EPHB2: variants seen among roughly 807,000 people sequenced by gnomAD.
The protein encoded by EPHB2 is EPH receptor B2.
Under a neutral mutation model 96.4 loss-of-function variants are expected in EPHB2, and 18 were observed. That is an observed-to-expected ratio of 0.19 (90% CI 0.13 to 0.28). The LOEUF is 0.28. Ranked by LOEUF, EPHB2 falls within the 10% of genes least tolerant of loss-of-function variation. EPHB2 has a pLI of 1.00. For missense variants in EPHB2, 989 were observed against 1,355.4 expected (o/e 0.73, Z 4.25); for synonymous variants, 506 against 534.1 (o/e 0.95, Z 0.72).
intron 1 of EPHB2, among the ~76,000 whole-genome samples, chr1:22,750,974 T>C (rs1384068803): frequency 6.6e-6 from 1 of 152,234 alleles, no homozygotes; most frequent in African/African-American, 2.4e-5. Flanking sequence ...ATTCTCAGAA[T>C]TGGTGCTGGC....
chr1:22,720,078 A>G (rs895180974), intron 1 of EPHB2, among the ~76,000 whole-genome samples: 1 of 152,178 alleles, frequency 6.6e-6, no homozygotes, highest in African/African-American at 2.4e-5. Flanking sequence ...TGGTCCCCCT[A>G]CGCTCCTCGC....
At chr1:22,826,202 T>C (rs10917311) in intron 3 of EPHB2, among the ~76,000 whole-genome samples, 151,961 of 152,308 alleles carry the variant, frequency 1, 75,810 homozygotes, top group Middle Eastern at 1. Flanking sequence ...GTCTACTAAG[T>C]GCGTTCAGTG....
chr1:22,722,070 C>T (rs1292989379), intron 1 of EPHB2, among the ~76,000 whole-genome samples: 1 of 152,210 alleles, frequency 6.6e-6, no homozygotes, highest in Non-Finnish European at 1.5e-5. Context: ...GCCTCAGCCT[C>T]CTGAGTAGCT....
chr1:22,777,460 C>T (rs754868969), intron 1 of EPHB2, among the ~76,000 whole-genome samples: 10 of 152,104 alleles, frequency 6.6e-5, no homozygotes, highest in Non-Finnish European at 1.3e-4. Flanking sequence ...GGACGGGAGA[C>T]GTCTGGTGTG....
rs1423425183 is a variant in EPHB2, at chr1:22,920,178, A to G, written c.*6608A>G. ...GCATGCATCAGGCCTTCCTGGGGGT[A>G]AAAGGGGCTGGCTGTTCCAGGCTAC... On this transcript the variant is annotated 3_prime_UTR_variant, in exon 16 of 16. Transcript: ENST00000374630. 1 of 152,264 alleles carries G rather than the reference A, an allele frequency of 6.6e-6. No homozygotes were observed. The highest frequency in any genetic ancestry group is 2.4e-5 in the African/African-American group (1 of 41,452). The allele number at this position is 152,264 out of a possible 1,614,324, so 9.4% of individuals were successfully genotyped here.
At position 22,784,702 on chromosome 1, in the gene EPHB2, GC is replaced by G; in HGVS notation, c.438del (p.Phe147SerfsTer11). The G allele has an allele frequency of 6.2e-7, 1 of 1,613,964 alleles. No homozygotes were observed. Among genetic ancestry groups the G allele is most frequent in the Non-Finnish European group, 8.5e-7 (1 of 1,180,014 alleles). The stretch of plus-strand genomic sequence containing the variant: ...GTGGATACCATTGCAGCCGACGAGA[GC>G]TTCTCCCAGGTGGACCTGGGTGGCC... Reference protein sequence around the residue: ...VKVDTIAADESFSQVDLGGRV... With the variant: ...VKVDTIAADEXFSQVDLGGRV... On this transcript the variant is annotated frameshift_variant, in exon 3 of 16. Coordinates refer to ENST00000374630, the MANE Select transcript of EPHB2 (RefSeq NM_017449.5). LOFTEE classifies it high-confidence loss of function. This position sits in a 1 kb window ranked among gnomAD's most constrained non-coding sequence, Gnocchi z 5.1.
chr1:22,913,203 GA>G lies in EPHB2; in HGVS notation c.2853-255del. On this transcript the variant is annotated intron_variant, in intron 15 of 15. Transcript: ENST00000374630. This position sits in a 1 kb window ranked among gnomAD's most constrained non-coding sequence, Gnocchi z 4.1. Reference sequence around the variant, plus strand: ...GCGAGACTCTGTCTCGAAAAAGAAAGAAAATGTAAGCTGGCTTCCCCCTCCC... The same window carrying G: ...GCGAGACTCTGTCTCGAAAAAGAAAGAAATGTAAGCTGGCTTCCCCCTCCC... 1.8e-6 allele frequency: 1 copy of G among 556,394 alleles called. No individual in the cohort carries two copies. The highest frequency in any genetic ancestry group is 3.2e-6 in the Non-Finnish European group (1 of 309,142). 34.5% of individuals were successfully genotyped at this position (556,394 alleles called of 1,614,324 possible).
intron 3 of EPHB2, among the ~76,000 whole-genome samples, chr1:22,801,664 G>C (rs1644845071): frequency 6.6e-6 from 1 of 152,202 alleles, no homozygotes; most frequent in African/African-American, 2.4e-5. Flanking sequence ...CAGAGGTGCA[G>C]CATAGGGAAA....
intron 1 of EPHB2, among the ~76,000 whole-genome samples, chr1:22,729,809 C>T (rs1296807810): frequency 6.6e-6 from 1 of 152,232 alleles, no homozygotes; most frequent in Non-Finnish European, 1.5e-5. Context: ...TTTACAAGGG[C>T]AGGGACCATG....
intron 1 of EPHB2, among the ~76,000 whole-genome samples, chr1:22,756,026 G>A (rs1165763326): frequency 2.0e-5 from 3 of 152,086 alleles, no homozygotes; most frequent in Admixed American, 6.5e-5. Context: ...CCCTGGGCAC[G>A]CAGATGTTCA....
At chr1:22,789,607 G>A (rs1557675806) in intron 3 of EPHB2, among the ~76,000 whole-genome samples, 1 of 152,182 alleles carries the variant, frequency 6.6e-6, no homozygotes, top group Non-Finnish European at 1.5e-5. Flanking sequence ...ACAAATATGC[G>A]TTGCATACCT....
At chr1:22,782,777 GA>G (rs371210915) in intron 2 of EPHB2, among the ~76,000 whole-genome samples, 59 of 148,284 alleles carry the variant, frequency 4.0e-4, no homozygotes, top group East Asian at 2.0e-3. Flanking sequence ...CCACCAAAAA[GA>G]AAAAAAAAAA....
chr1:22,806,500 CGGACGGAT>C (rs1287169648), intron 3 of EPHB2, among the ~76,000 whole-genome samples: 1,228 of 105,558 alleles, frequency 0.012, 16 homozygotes, highest in African/African-American at 0.058. Context: ...GACGGACGGA[CGGACGGAT>C]GGATGGATGG....
intron 3 of EPHB2, among the ~76,000 whole-genome samples, chr1:22,793,166 C>T (rs1644719435): frequency 6.6e-6 from 1 of 152,190 alleles, no homozygotes; most frequent in South Asian, 2.1e-4. Flanking sequence ...CTTCAAATTC[C>T]TAGTGATCTG....
chr1:22,798,826 G>T (rs1272451674), intron 3 of EPHB2, among the ~76,000 whole-genome samples: 1 of 152,078 alleles, frequency 6.6e-6, no homozygotes, highest in African/African-American at 2.4e-5. Flanking sequence ...AGTCAAAGGA[G>T]CTCAGAAGGC....
chr1:22,879,526 G>A lies in EPHB2; in HGVS notation c.1304-2833G>A, dbSNP rs114987145. Among the ~76,000 whole-genome samples the A allele has an allele frequency of 8.4e-3, 1,272 of 152,320 alleles. 14 individuals carry two copies. The highest frequency in any genetic ancestry group is 0.013 in the Non-Finnish European group (878 of 68,022). On this transcript the variant is annotated intron_variant, in intron 5 of 15. Coordinates refer to ENST00000374630, the MANE Select transcript of EPHB2 (RefSeq NM_017449.5). ...GATGGCGCTGGGGCTGAAGGCAGGT[G>A]GGAAGTAGGAACTGCTTTGAGACCC...
At chr1:22,876,431 C>A (rs1017360754) in intron 5 of EPHB2, among the ~76,000 whole-genome samples, 3 of 152,124 alleles carry the variant, frequency 2.0e-5, no homozygotes, top group Non-Finnish European at 2.9e-5. Flanking sequence ...AGAGGGAAGG[C>A]TCCTTCCCCA....
At chr1:22,812,283 G>A (rs1048073723) in intron 3 of EPHB2, among the ~76,000 whole-genome samples, 3 of 152,236 alleles carry the variant, frequency 2.0e-5, no homozygotes, top group Non-Finnish European at 4.4e-5. Context: ...CCCTGCCCGC[G>A]GGGCCTGAGC....
At chr1:22,741,696 A>AAAAAACC (rs55743842) in intron 1 of EPHB2, among the ~76,000 whole-genome samples, 2 of 137,298 alleles carry the variant, frequency 1.5e-5, no homozygotes, top group Non-Finnish European at 3.2e-5. Flanking sequence ...AAACAAAAAA[A>AAAAAACC]CAAAAAACCT....
Sources: gnomAD v4.1 joint callset for allele counts (sites outside exome capture counted in the v4.1 genomes callset) on GRCh38, gnomAD v4.1.1 for gene constraint, Gnocchi (gnomAD v3.1) non-coding constraint, MANE v1.5 for transcripts, NCBI Gene and HGNC (gene_info 2026-07-23, HGNC 2026-07-21) for gene names.